Variants in BCR observed in about 807,000 individuals in gnomAD.
BCR encodes breakpoint cluster region protein.
In BCR, 58 loss-of-function variants were observed where a neutral mutation model predicts 138.6. The observed-to-expected ratio is 0.42, with a 90% CI of 0.34 to 0.52. BCR has a LOEUF of 0.52. BCR is among the 20% of genes least tolerant of loss of function. BCR has a pLI of 0.06. For missense variants in BCR, 1,599 were observed against 1,727.2 expected (o/e 0.93, Z 1.32); for synonymous variants, 786 against 730.1 (o/e 1.08, Z -1.23).
chr22:23,210,460 T>C (rs967372036), intron 1 of BCR, among the ~76,000 whole-genome samples: 1 of 151,718 alleles, frequency 6.6e-6, no homozygotes, highest in Non-Finnish European at 1.5e-5. Flanking sequence ...AAAGATGTCA[T>C]GATGTCATTT....
chr22:23,187,110 C>T (rs537442493), intron 1 of BCR, among the ~76,000 whole-genome samples: 4 of 152,308 alleles, frequency 2.6e-5, no homozygotes, highest in East Asian at 1.9e-4. Flanking sequence ...GAGCTTTACA[C>T]ATAGCACATA....
intron 1 of BCR, among the ~76,000 whole-genome samples, chr22:23,193,200 G>A (rs953021841): frequency 6.6e-6 from 1 of 152,248 alleles, no homozygotes; most frequent in South Asian, 2.1e-4. Context: ...TGCACATGAC[G>A]AGGTATTGAT....
rs1020429893 is a variant in BCR at position 23,202,689 on chromosome 22, T to A, written c.1279+20450T>A. Among the ~76,000 whole-genome samples, 3 of 151,626 alleles carry A rather than the reference T, an allele frequency of 2.0e-5. No homozygotes were observed. In the South Asian group the frequency reaches 6.2e-4, roughly 32 times the overall value. On this transcript the variant is annotated intron_variant, in intron 1 of 22. Transcript: ENST00000305877. ...TGTTTTACTGTGTTTCAGAACCCCT[T>A]CCTTTTTAAGCTTGAGTAATAATTC... is the stretch of plus-strand genomic sequence containing the variant.
intron 2 of BCR, among the ~76,000 whole-genome samples, chr22:23,254,317 C>G (rs945727752): frequency 3.9e-5 from 6 of 152,188 alleles, no homozygotes; most frequent in African/African-American, 7.2e-5. Context: ...GGGCTTGGGT[C>G]CCTTTGCTTC....
chr22:23,267,847 C>G lies in BCR; in HGVS notation c.1753-561C>G, dbSNP rs184697541. On this transcript the variant is annotated intron_variant, in intron 4 of 22. Transcript: ENST00000305877. ...GCCTTACAGCCGGTCGGTCTCCCCC[C>G]ACCAGGTGTGTAGCATGACACCTGA... is the stretch of plus-strand genomic sequence containing the variant. 2.7e-4 allele frequency among the ~76,000 whole-genome samples: 41 copies of G among 152,374 alleles called. 1 individual carries two copies. Among genetic ancestry groups the G allele is most frequent in the Non-Finnish European group, 4.0e-4 (27 of 68,042 alleles).
In BCR at chr22:23,309,367, C is replaced by T. The variant is rs1220541681; in HGVS notation, c.3013-57C>T. ...AAGTGGCGGGTGTGGGCTGCTGCCCCGTGGGGCCTCTGAACAGACCCCAGG... is the reference window on the plus strand; with the variant it reads ...AAGTGGCGGGTGTGGGCTGCTGCCCTGTGGGGCCTCTGAACAGACCCCAGG... On this transcript the variant is annotated intron_variant, in intron 16 of 22. Transcript: ENST00000305877. 28 of 1,346,422 alleles carry T rather than the reference C, an allele frequency of 2.1e-5. No individual in the cohort carries two copies. The East Asian group carries it at 2.5e-4, about 12-fold the overall frequency. 83.4% of individuals were successfully genotyped at this position (1,346,422 alleles called of 1,614,324 possible).
Position 23,180,754 on chromosome 22 carries a change from T to TC in BCR, c.-201dup, listed in dbSNP as rs1056838268. ...TAGCGGCGCGCGCAGCCCGCGCCCT[T>TC]CCCCCCGGCGCGCCCCGCCCCGCGC... is the stretch of plus-strand genomic sequence containing the variant. On this transcript the variant is annotated 5_prime_UTR_variant, in exon 1 of 23. Coordinates refer to ENST00000305877, the MANE Select transcript of BCR (RefSeq NM_004327.4). 1.2e-4 allele frequency: 17 copies of TC among 147,814 alleles called. No homozygotes were observed. The highest frequency in any genetic ancestry group is 4.5e-4 in the East Asian group (2 of 4,432). The allele number at this position is 147,814 out of a possible 1,614,324, so 9.2% of individuals were successfully genotyped here.
At chr22:23,302,444 C>T (rs73388594) in intron 16 of BCR, 31,058 of 152,302 alleles carry the variant, frequency 0.2, 3,230 homozygotes, top group South Asian at 0.23. Context: ...CCTCACCTCA[C>T]GGGAGGGTCT....
intron 2 of BCR, among the ~76,000 whole-genome samples, chr22:23,257,002 G>A (rs571555252): frequency 2.6e-5 from 4 of 151,888 alleles, no homozygotes; most frequent in East Asian, 1.9e-4. Context: ...CTTCCTACCC[G>A]CCCCAGCCTC....
chr22:23,246,278 A>T (rs1249071608), intron 1 of BCR, among the ~76,000 whole-genome samples: 1 of 152,102 alleles, frequency 6.6e-6, no homozygotes, highest in Admixed American at 6.5e-5. Context: ...GAAAAAAAAA[A>T]TTATTTTAGC....
chr22:23,296,501 C>G (rs2073847293), intron 16 of BCR, among the ~76,000 whole-genome samples: 1 of 152,172 alleles, frequency 6.6e-6, no homozygotes, highest in Admixed American at 6.5e-5. Flanking sequence ...CAAATCTTTA[C>G]CAAGTGCTGG....
chr22:23,228,386 A>C (rs148799691), intron 1 of BCR, among the ~76,000 whole-genome samples: 291 of 152,286 alleles, frequency 1.9e-3, no homozygotes, highest in African/African-American at 6.7e-3. Flanking sequence ...TTTCATTTCT[A>C]AGTATTTGGA....
At chr22:23,299,065 C>T (rs986875486) in intron 16 of BCR, among the ~76,000 whole-genome samples, 63 of 152,194 alleles carry the variant, frequency 4.1e-4, no homozygotes, top group Admixed American at 1.6e-3. Context: ...GGCATGATCT[C>T]GGCTCACTGC....
Position 23,189,017 on chromosome 22 carries a change from G to A in BCR, c.1279+6778G>A, listed in dbSNP as rs539177738. On this transcript the variant is annotated intron_variant, in intron 1 of 22. Coordinates refer to ENST00000305877, the MANE Select transcript of BCR (RefSeq NM_004327.4). ...GAGTAGCTGGGATTACAGCTAATTAGCCTAGCTAATTTTTGTATTTTTAGT... is the reference window on the plus strand; with the variant it reads ...GAGTAGCTGGGATTACAGCTAATTAACCTAGCTAATTTTTGTATTTTTAGT... 1.1e-3 allele frequency among the ~76,000 whole-genome samples: 167 copies of A among 152,040 alleles called. 1 individual carries two copies. Among genetic ancestry groups the A allele is most frequent in the African/African-American group, 3.9e-3 (162 of 41,480 alleles).
rs532523554 is a variant in BCR at position 23,237,810 on chromosome 22, G to C, written c.1280-15989G>C. ...GTCACCCGCTGACCTGCAGTGGCCT[G>C]AGCAGATACATGGCTCTGCCAGATT... On this transcript the variant is annotated intron_variant, in intron 1 of 22. Coordinates refer to ENST00000305877, the MANE Select transcript of BCR (RefSeq NM_004327.4). 1.7e-4 allele frequency among the ~76,000 whole-genome samples: 26 copies of C among 152,342 alleles called. No homozygotes were observed. In the South Asian group the frequency reaches 5.2e-3, roughly 30 times the overall value.
At position 23,316,858 on chromosome 22, in the gene BCR, C is replaced by A. The variant is rs1259824219; in HGVS notation, c.*1336C>A. The A allele has an allele frequency of 1.8e-5, 2 of 111,542 alleles. 1 individual carries two copies. The highest frequency in any genetic ancestry group is 6.2e-4 in the South Asian group (2 of 3,250). 6.9% of individuals were successfully genotyped at this position (111,542 alleles called of 1,614,324 possible). A position where few individuals can be genotyped will look rare whatever the true frequency, so the allele number is the denominator to read the frequency against. On this transcript the variant is annotated 3_prime_UTR_variant, in exon 23 of 23. Coordinates refer to ENST00000305877, the MANE Select transcript of BCR (RefSeq NM_004327.4). ...TCAAAGAAAACAGAAGCATGGAGACCGCCAAGTATTTTCAAGAAATAACCC... is the reference window on the plus strand; with the variant it reads ...TCAAAGAAAACAGAAGCATGGAGACAGCCAAGTATTTTCAAGAAATAACCC...
At chr22:23,195,518 G>A (rs372242158) in intron 1 of BCR, among the ~76,000 whole-genome samples, 51 of 151,964 alleles carry the variant, frequency 3.4e-4, no homozygotes, top group African/African-American at 1.1e-3. Flanking sequence ...GTTTGAACCC[G>A]AGAGGCAGGG....
intron 8 of BCR, among the ~76,000 whole-genome samples, chr22:23,281,059 C>T (rs983033807): frequency 5.9e-5 from 9 of 152,350 alleles, no homozygotes; most frequent in South Asian, 2.1e-4. Flanking sequence ...CACGAGGGCA[C>T]GCTCAGGCAC....
In BCR at chr22:23,285,152, C is replaced by T; in HGVS notation, c.2357C>T (p.Ala786Val). 1 of 1,613,864 alleles carries T rather than the reference C, an allele frequency of 6.2e-7. No homozygotes were observed. Residue 786 changes from alanine to valine, a missense_variant, in exon 10 of 23, where the codon GCT (alanine) becomes GTT (valine). Physicochemically the swap from Ala to Val is moderately conservative, Grantham distance 64 (BLOSUM62 0). Transcript: ENST00000305877. ...IPLVPDEELDALKIKISQIKN... is the reference protein window; with the variant it reads ...IPLVPDEELDVLKIKISQIKN... ...CTGGTGCCCGATGAGGAGCTGGACG[C>T]TTTGAAGATCAAGATCTCCCAGATC...
Sources: gnomAD v4.1 joint callset for allele counts (sites outside exome capture counted in the v4.1 genomes callset) on GRCh38, gnomAD v4.1.1 for gene constraint, MANE v1.5 for transcripts, NCBI Gene and HGNC (gene_info 2026-07-23, HGNC 2026-07-21) for gene names.